Variants in SLC9A8 observed in about 807,000 individuals in gnomAD.
The protein encoded by SLC9A8 is sodium/hydrogen exchanger 8.
Under a neutral mutation model 66.6 loss-of-function variants are expected in SLC9A8, and 48 were observed. That is an observed-to-expected ratio of 0.72 (90% CI 0.57 to 0.92). The LOEUF (loss-of-function observed/expected upper bound fraction) is 0.92, where lower values mean the gene tolerates loss of function less well. Among genes scored for constraint, SLC9A8 ranks in the 40% least tolerant of loss-of-function variants. The probability of loss-of-function intolerance (pLI) is 0.00; values close to 1 mark genes in which losing one functional copy is unlikely to be tolerated. For missense variants in SLC9A8, 599 were observed against 747.3 expected (o/e 0.80, Z 2.31); for synonymous variants, 274 against 282.6 (o/e 0.97, Z 0.31).
At chr20:49,861,101 AG>A (rs1432167440) in intron 8 of SLC9A8, among the ~76,000 whole-genome samples, 3 of 152,186 alleles carry the variant, frequency 2.0e-5, no homozygotes, top group Non-Finnish European at 4.4e-5. Flanking sequence ...ACCACCTGGG[AG>A]GTGCCAGTGA....
At position 49,887,873 on chromosome 20, in the gene SLC9A8, G is replaced by A. The variant is rs1417535010; in HGVS notation, c.1683G>A (p.Lys561=). ...TCCAGATGAAAACTCTCACCAACAA[G>A]TGGTACGAGGAGGTACGCCAGGGCC... is the stretch of plus-strand genomic sequence containing the variant. ...GRIQMKTLTN[K]WYEEVRQGPS... The change falls in exon 16 of 16, where the codon AAG becomes AAA. Residue 561 remains lysine (K), a synonymous_variant. Transcript: ENST00000361573. 1.2e-6 allele frequency: 2 copies of A among 1,613,154 alleles called. No homozygotes were observed. The highest frequency in any genetic ancestry group is 2.7e-5 in the African/African-American group (2 of 74,922).
In SLC9A8 at chr20:49,819,481, C is replaced by A. The variant is rs545429472; in HGVS notation, c.209-3580C>A. ...TCCCATAACTTGCCTTTTCATCTCA[C>A]AGAATGTCTTGGAGATCATTGTATT... is the stretch of plus-strand genomic sequence containing the variant. On this transcript the variant is annotated intron_variant, in intron 2 of 15. Coordinates refer to ENST00000361573, the MANE Select transcript of SLC9A8 (RefSeq NM_015266.3). Among the ~76,000 whole-genome samples, 21 of 152,268 alleles carry A rather than the reference C, an allele frequency of 1.4e-4. No homozygotes were observed. In the South Asian group the frequency reaches 4.3e-3, roughly 31 times the overall value.
In SLC9A8 at chr20:49,815,039, A is replaced by G; in HGVS notation, c.58A>G (p.Asn20Asp). ...CCCCAATACAACTCATGAGGGTTTC[A>G]ATGTCACCCTCCACACCACCCTGGT... is the stretch of plus-strand genomic sequence containing the variant. ...RFPNTTHEGF[N>D]VTLHTTLVVT... The change falls in exon 2 of 16, where the codon AAT becomes GAT. Residue 20 changes from asparagine to aspartate, a missense_variant. Physicochemically the swap from Asn to Asp is conservative, Grantham distance 23. This residue lies in a region of SLC9A8 where 132 missense variants were observed against 120.9 expected (regional missense o/e 1.09). Transcript: ENST00000361573. 6.3e-7 allele frequency: 1 copy of G among 1,599,500 alleles called. No individual in the cohort carries two copies. Among genetic ancestry groups the G allele is most frequent in the Non-Finnish European group, 8.5e-7 (1 of 1,172,624 alleles).
chr20:49,877,243 G>C (rs1489867339), intron 11 of SLC9A8, among the ~76,000 whole-genome samples: 1 of 151,972 alleles, frequency 6.6e-6, no homozygotes, highest in African/African-American at 2.4e-5. Flanking sequence ...GCAGTGAGCC[G>C]AGATCGTGCC....
intron 8 of SLC9A8, among the ~76,000 whole-genome samples, chr20:49,856,448 A>G (rs1052691643): frequency 1.3e-4 from 20 of 152,300 alleles, no homozygotes; most frequent in Non-Finnish European, 2.2e-4. Flanking sequence ...GGACACTACA[A>G]TTTGTTTTCA....
intron 3 of SLC9A8, chr20:49,830,446 T>G (rs2087127207): frequency 4.8e-6 from 4 of 831,950 alleles, no homozygotes; most frequent in Admixed American, 3.5e-5. Flanking sequence ...AAGGACCTGG[T>G]GCTGGGCCCC....
intron 5 of SLC9A8, among the ~76,000 whole-genome samples, chr20:49,848,864 C>T (rs1288589376): frequency 6.6e-6 from 1 of 152,178 alleles, no homozygotes; most frequent in East Asian, 1.9e-4. Context: ...GTCTGTTGGG[C>T]ATCTTCCATC....
Position 49,812,839 on chromosome 20 carries a change from C to T in SLC9A8, c.-84C>T. 1.4e-6 allele frequency: 2 copies of T among 1,457,502 alleles called. No individual in the cohort carries two copies. Among genetic ancestry groups the T allele is most frequent in the Non-Finnish European group, 1.8e-6 (2 of 1,097,574 alleles). 90.3% of individuals were successfully genotyped at this position (1,457,502 alleles called of 1,614,324 possible). ...AGGCCCCGCCTCCCGCTCGCCCGCC[C>T]GCGCCTCCAGCGGAAGCCGGAAGCA... On this transcript the variant is annotated 5_prime_UTR_variant, in exon 1 of 16. Transcript: ENST00000361573.
At chr20:49,872,455 CCCT>C (rs903055588) in intron 10 of SLC9A8, among the ~76,000 whole-genome samples, 6 of 42,642 alleles carry the variant, frequency 1.4e-4, no homozygotes, top group African/African-American at 5.5e-4. Context: ...GTGATTTTCA[CCCT>C]TTTTTTTTTT....
chr20:49,887,918 C>G lies in SLC9A8; in HGVS notation c.1728C>G (p.Asp576Glu). ...AGGGCCCCTCCGGCTCCGAGGACGA[C>G]GAGCAGGAGCTGCTCTGACGCCAGG... ...VRQGPSGSED[D>E]EQELL is the part of the protein sequence containing the mutation. Residue 576 changes from aspartate to glutamate, a missense_variant, in exon 16 of 16, where the codon GAC becomes GAG. By Grantham distance (45) the Asp-to-Glu change is conservative (BLOSUM62 2). Transcript: ENST00000361573. 6.2e-7 allele frequency: 1 copy of G among 1,613,528 alleles called. No individual in the cohort carries two copies. Among genetic ancestry groups the G allele is most frequent in the Non-Finnish European group, 8.5e-7 (1 of 1,179,698 alleles).
chr20:49,812,903 G>A lies in SLC9A8; in HGVS notation c.-20G>A, dbSNP rs1305475414. 5 of 1,494,316 alleles carry A rather than the reference G, an allele frequency of 3.3e-6. No homozygotes were observed. In the African/African-American group the frequency reaches 5.8e-5, roughly 17 times the overall value. 92.6% of individuals were successfully genotyped at this position (1,494,316 alleles called of 1,614,324 possible). A position where few individuals can be genotyped will look rare whatever the true frequency, so the allele number is the denominator to read the frequency against. ...CTAGCCCCGCGGCTCCGAACTCGGTGGTCCTGGAAGCTCCGCAGGATGGGG... is the reference window on the plus strand; with the variant it reads ...CTAGCCCCGCGGCTCCGAACTCGGTAGTCCTGGAAGCTCCGCAGGATGGGG... On this transcript the variant is annotated 5_prime_UTR_variant, in exon 1 of 16. Transcript: ENST00000361573.
chr20:49,852,223 A>G (rs1395777078), intron 7 of SLC9A8, among the ~76,000 whole-genome samples: 1 of 152,212 alleles, frequency 6.6e-6, no homozygotes, highest in Non-Finnish European at 1.5e-5. Flanking sequence ...CCCTGTATGA[A>G]GGGACAGCCA....
At position 49,839,558 on chromosome 20, in the gene SLC9A8, G is replaced by T. The variant is rs1377301527; in HGVS notation, c.307G>T (p.Val103Phe). Residue 103 changes from valine to phenylalanine, a missense_variant, in exon 4 of 16, where the codon GTT (valine) becomes TTT (phenylalanine). Transcript: ENST00000361573. ...VVSLGILMGA[V>F]IKIIEFKKLA... is the part of the protein sequence containing the mutation. The stretch of plus-strand genomic sequence containing the variant: ...TCTTGTAGGTATTCTCATGGGAGCA[G>T]TTATAAAAATTATAGAGTTTAAAAA... 1 of 1,592,654 alleles carries T rather than the reference G, an allele frequency of 6.3e-7. No individual in the cohort carries two copies. Among genetic ancestry groups the T allele is most frequent in the Non-Finnish European group, 8.6e-7 (1 of 1,162,764 alleles).
rs752794979 is a variant in SLC9A8, at chr20:49,877,980, GA to G, written c.1078del (p.Thr360HisfsTer27). ...ATAATCCATTCTTTGGTTTGTTTCA[GA>G]AACATGTGTGTTTGCATTTCTTGGC... Reference protein sequence around the residue: ...QTLRTVAFLCETCVFAFLGLS... With the variant: ...QTLRTVAFLCXTCVFAFLGLS... On this transcript the variant is annotated frameshift_variant and splice_region_variant, in exon 12 of 16. Coordinates refer to ENST00000361573, the MANE Select transcript of SLC9A8 (RefSeq NM_015266.3). LOFTEE classifies it high-confidence loss of function. 4 of 1,587,966 alleles carry G rather than the reference GA, an allele frequency of 2.5e-6. No homozygotes were observed. The South Asian group carries it at 4.7e-5, about 19-fold the overall frequency.
chr20:49,842,700 A>T (rs1052848661), intron 4 of SLC9A8, among the ~76,000 whole-genome samples: 3 of 152,226 alleles, frequency 2.0e-5, no homozygotes, highest in Non-Finnish European at 2.9e-5. Flanking sequence ...AAGGAACTGT[A>T]ACACTATTTC....
intron 10 of SLC9A8, among the ~76,000 whole-genome samples, chr20:49,874,283 G>A (rs2089336452): frequency 6.6e-6 from 1 of 152,050 alleles, no homozygotes. Flanking sequence ...GGGTGGGGGG[G>A]TAGTGCAGTG....
chr20:49,815,380 G>A (rs2086511302), intron 2 of SLC9A8, 191 bp downstream of exon 2: 1 of 426,062 alleles, frequency 2.3e-6, no homozygotes, highest in Non-Finnish European at 4.1e-6. Flanking sequence ...AAATCATGGT[G>A]CTTAGCAAGT....
intron 2 of SLC9A8, among the ~76,000 whole-genome samples, chr20:49,821,144 T>C (rs1434393339): frequency 6.6e-6 from 1 of 152,240 alleles, no homozygotes; most frequent in Non-Finnish European, 1.5e-5. Context: ...ATGAGCCTTA[T>C]ATTAACTCTT....
rs1201656518 is a variant in SLC9A8, at chr20:49,855,387, G to A, written c.570-51G>A. On this transcript the variant is annotated intron_variant, in intron 7 of 15. Transcript: ENST00000361573. ...CTTTGACTTTAATGCTTTAATATGTGGACCAAGTGACACACATTACAGAAT... is the reference window on the plus strand; with the variant it reads ...CTTTGACTTTAATGCTTTAATATGTAGACCAAGTGACACACATTACAGAAT... The A allele has an allele frequency of 1.3e-6, 2 of 1,583,046 alleles. No individual in the cohort carries two copies. Among genetic ancestry groups the A allele is most frequent in the Non-Finnish European group, 1.7e-6 (2 of 1,154,416 alleles).
Sources: gnomAD v4.1 joint callset for allele counts (sites outside exome capture counted in the v4.1 genomes callset) on GRCh38, gnomAD v4.1.1 for gene constraint, gnomAD v4.1.1 regional missense constraint, MANE v1.5 for transcripts, NCBI Gene and HGNC (gene_info 2026-07-23, HGNC 2026-07-21) for gene names.